The following NAV2 variants were observed in gnomAD, a reference collection of about 807,000 sequenced individuals.
The protein encoded by NAV2 is neuron navigator 2, also known as helicase, APC down-regulated 1.
Under a neutral mutation model 223.2 loss-of-function variants are expected in NAV2, and 54 were observed. The observed-to-expected ratio is 0.24, with a 90% CI of 0.19 to 0.30. NAV2 has a LOEUF of 0.30. NAV2 is among the 10% of genes least tolerant of loss of function. The pLI, the probability that NAV2 is intolerant of heterozygous loss-of-function variation, is 1.00. For missense variants in NAV2, 2,806 were observed against 3,147.5 expected, an observed-to-expected ratio of 0.89 and a Z score of 2.60; for synonymous variants, 1,279 against 1,239.3, an observed-to-expected ratio of 1.03 and a Z score of -0.67.
At chr11:19,791,266 A>G (rs2152726596) in intron 1 of NAV2, among the ~76,000 whole-genome samples, 1 of 152,258 alleles carries the variant, frequency 6.6e-6, no homozygotes, top group South Asian at 2.1e-4. Context: ...GTTAACCATT[A>G]CCACCTCACC....
chr11:19,703,004 G>A (rs79316616), intron 1 of NAV2, among the ~76,000 whole-genome samples: 1,801 of 151,030 alleles, frequency 0.012, 15 homozygotes, highest in Non-Finnish European at 0.018. Flanking sequence ...TTAACAATTC[G>A]ACACGATTCC....
At chr11:20,031,295 A>G (rs1201543119) in intron 11 of NAV2, among the ~76,000 whole-genome samples, 1 of 152,170 alleles carries the variant, frequency 6.6e-6, no homozygotes, top group African/African-American at 2.4e-5. Context: ...TGCTTTCAAC[A>G]TTTATTGCCC....
intron 1 of NAV2, among the ~76,000 whole-genome samples, chr11:19,648,700 C>G (rs988348285): frequency 6.6e-6 from 1 of 152,158 alleles, no homozygotes; most frequent in Admixed American, 6.5e-5. Context: ...TTCTACTCTG[C>G]TATGGTTAGC....
intron 1 of NAV2, among the ~76,000 whole-genome samples, chr11:19,827,844 C>T (rs1249460119): frequency 1.3e-5 from 2 of 150,552 alleles, no homozygotes; most frequent in Non-Finnish European, 3.0e-5. Context: ...GGTGCACCGG[C>T]CTGTAATCTG....
At chr11:19,876,259 CT>C (rs1465013356) in intron 4 of NAV2, among the ~76,000 whole-genome samples, 3 of 152,118 alleles carry the variant, frequency 2.0e-5, no homozygotes, top group Admixed American at 2.0e-4. Flanking sequence ...ATCTCTTGAC[CT>C]TGTGATCTGC....
At chr11:19,383,725 C>T (rs559542363) in intron 1 of NAV2, among the ~76,000 whole-genome samples, 11 of 152,206 alleles carry the variant, frequency 7.2e-5, no homozygotes, top group South Asian at 4.1e-4. Context: ...GGTATTGCAA[C>T]GCATCAGAAG....
At chr11:19,859,760 G>C (rs1230757373) in intron 3 of NAV2, among the ~76,000 whole-genome samples, 4 of 136,274 alleles carry the variant, frequency 2.9e-5, no homozygotes, top group South Asian at 2.5e-4. Context: ...GCGGCTGGCC[G>C]GGTGGGGGGC....
At chr11:19,624,681 T>C (rs574923464) in intron 1 of NAV2, among the ~76,000 whole-genome samples, 3 of 152,308 alleles carry the variant, frequency 2.0e-5, no homozygotes, top group South Asian at 2.1e-4. Flanking sequence ...GGAAAGGGAA[T>C]TCCATGACCC....
intron 11 of NAV2, among the ~76,000 whole-genome samples, chr11:19,985,788 C>G (rs1210770414): frequency 2.6e-5 from 4 of 152,078 alleles, no homozygotes; most frequent in African/African-American, 9.7e-5. Flanking sequence ...GTTGGCCAGG[C>G]TGGTCTCGAA....
intron 1 of NAV2, among the ~76,000 whole-genome samples, chr11:19,642,280 G>A (rs994999107): frequency 1.3e-5 from 2 of 152,220 alleles, no homozygotes; most frequent in African/African-American, 4.8e-5. Flanking sequence ...GCTCCAGGGT[G>A]CTTCATCAGA....
intron 1 of NAV2, among the ~76,000 whole-genome samples, chr11:19,749,067 A>G (rs563860021): frequency 4.6e-5 from 7 of 152,342 alleles, no homozygotes; most frequent in South Asian, 2.1e-4. Context: ...CATCCTCTGT[A>G]TGAAGCTCTT....
chr11:19,725,180 T>C (rs1467036382), intron 1 of NAV2, among the ~76,000 whole-genome samples: 1 of 152,356 alleles, frequency 6.6e-6, no homozygotes, highest in Non-Finnish European at 1.5e-5. Context: ...TTTGTGATTG[T>C]TTCCATTGTA....
chr11:19,691,436 A>C (rs1432696550), intron 1 of NAV2, among the ~76,000 whole-genome samples: 3 of 152,226 alleles, frequency 2.0e-5, no homozygotes, highest in East Asian at 1.9e-4. Flanking sequence ...AGCACATCTC[A>C]ATTCAGACTT....
intron 1 of NAV2, among the ~76,000 whole-genome samples, chr11:19,518,774 T>C (rs1235362754): frequency 1.3e-5 from 2 of 152,226 alleles, no homozygotes; most frequent in East Asian, 3.8e-4. Context: ...ATAATTGCCC[T>C]GGACGGGGTG....
intron 1 of NAV2, among the ~76,000 whole-genome samples, chr11:19,809,658 T>G (rs556567357): frequency 6.6e-6 from 1 of 152,384 alleles, no homozygotes; most frequent in South Asian, 2.1e-4. Context: ...GGATACTACA[T>G]TTCATTTAGC....
At position 19,713,408 on chromosome 11, in the gene NAV2, G is replaced by A. The variant is rs1207375243; in HGVS notation, c.-288G>A. Reference sequence around the variant, plus strand: ...AGGCGGCAGCCCCTGAGCGCCCAGAGCTCTTGAAAGGCCACCCAGGAGAGG... The same window carrying A: ...AGGCGGCAGCCCCTGAGCGCCCAGAACTCTTGAAAGGCCACCCAGGAGAGG... On this transcript the variant is annotated 5_prime_UTR_variant, in exon 1 of 38. Transcript: ENST00000349880. The surrounding 1 kb of genome is among the most constrained non-coding windows in gnomAD (Gnocchi z 7.2). 1 of 1,223,758 alleles carries A rather than the reference G, an allele frequency of 8.2e-7. No homozygotes were observed. Among genetic ancestry groups the A allele is most frequent in the Non-Finnish European group, 1.0e-6 (1 of 983,762 alleles). The allele number at this position is 1,223,758 out of a possible 1,614,324, so 75.8% of individuals were successfully genotyped here.
At chr11:19,851,627 G>A (rs902385807) in intron 3 of NAV2, among the ~76,000 whole-genome samples, 1 of 152,208 alleles carries the variant, frequency 6.6e-6, no homozygotes, top group Non-Finnish European at 1.5e-5. Context: ...TAATGCAAGT[G>A]AGAAGGTCAT....
At chr11:19,945,721 A>G (rs2046888416) in intron 8 of NAV2, among the ~76,000 whole-genome samples, 1 of 152,202 alleles carries the variant, frequency 6.6e-6, no homozygotes, top group Admixed American at 6.5e-5. Flanking sequence ...GCACTGTGCT[A>G]AGGGATCTCC....
rs769094184 is a variant in NAV2 at position 20,036,026 on chromosome 11, A to G, written c.2836A>G (p.Ile946Val). 1.2e-6 allele frequency: 2 copies of G among 1,614,218 alleles called. No homozygotes were observed. The highest frequency in any genetic ancestry group is 1.7e-6 in the Non-Finnish European group (2 of 1,180,036). Residue 946 changes from isoleucine (I) to valine (V), a missense_variant, in exon 12 of 38, where the codon ATC (isoleucine) becomes GTC (valine). Coordinates refer to ENST00000349880, the MANE Select transcript of NAV2 (RefSeq NM_145117.5). ...DTIDNLSTDD[I>V]NTSSSISSYA... ...CATAGACAACCTCAGCACTGATGAC[A>G]TCAACACCAGCTCCTCCATCAGCTC...
Sources: gnomAD v4.1 joint callset for allele counts (sites outside exome capture counted in the v4.1 genomes callset) on GRCh38, gnomAD v4.1.1 for gene constraint, Gnocchi (gnomAD v3.1) non-coding constraint, MANE v1.5 for transcripts, NCBI Gene and HGNC (gene_info 2026-07-23, HGNC 2026-07-21) for gene names.